The following ZFYVE21 variants were observed in gnomAD, a reference collection of about 807,000 sequenced individuals.
The protein encoded by ZFYVE21 is zinc finger FYVE domain-containing protein 21.
In ZFYVE21, 21 loss-of-function variants were observed where a neutral mutation model predicts 29.5. The ratio of observed to expected loss-of-function variants is 0.71; its 90% confidence interval spans 0.50 to 1.02. The LOEUF is 1.02. Among genes scored for constraint, ZFYVE21 ranks in the 50% least tolerant of loss-of-function variants. The probability of loss-of-function intolerance (pLI) is 0.00; values close to 1 mark genes in which losing one functional copy is unlikely to be tolerated. For missense variants in ZFYVE21, 326 were observed against 335.4 expected (o/e 0.97, Z 0.22); for synonymous variants, 151 against 133.8 (o/e 1.13, Z -0.89).
chr14:103,733,147 A>T lies in ZFYVE21; in HGVS notation c.*129A>T. On this transcript the variant is annotated 3_prime_UTR_variant, in exon 7 of 7. Transcript: ENST00000311141. ...GCTGGGAAATGCAACTCACTCATGT[A>T]TTTGGAGAAACAGGAGTGTTCACTT... 1 of 1,231,328 alleles carries T rather than the reference A, an allele frequency of 8.1e-7. No homozygotes were observed. Among genetic ancestry groups the T allele is most frequent in the Non-Finnish European group, 1.2e-6 (1 of 859,186 alleles). 76.3% of individuals were successfully genotyped at this position (1,231,328 alleles called of 1,614,324 possible). A position where few individuals can be genotyped will look rare whatever the true frequency, so the allele number is the denominator to read the frequency against.
chr14:103,727,254 T>C (rs1237415661), intron 2 of ZFYVE21: 2 of 353,896 alleles, frequency 5.7e-6, no homozygotes, highest in East Asian at 1.6e-4. Context: ...CCGTTATGGC[T>C]CATTTTGAGT....
chr14:103,731,219 A>C (rs1414572857), intron 5 of ZFYVE21: 2 of 152,190 alleles, frequency 1.3e-5, no homozygotes, highest in Non-Finnish European at 2.9e-5. Flanking sequence ...CTGAGGCAGG[A>C]GAATCGCTTG....
At chr14:103,731,015 G>A (rs2083968503) in intron 5 of ZFYVE21, 1 of 152,424 alleles carries the variant, frequency 6.6e-6, no homozygotes, top group Non-Finnish European at 1.5e-5. Context: ...GCTTATGAAA[G>A]TGTGGTTCTA....
intron 5 of ZFYVE21, chr14:103,729,940 A>G (rs1185117552): frequency 7.1e-7 from 1 of 1,400,096 alleles, no homozygotes; most frequent in Non-Finnish European, 9.6e-7. Flanking sequence ...GGTCCATGCC[A>G]AGGTTCTTTG....
At chr14:103,731,654 C>T (rs1823266667) in intron 5 of ZFYVE21, 1 of 152,208 alleles carries the variant, frequency 6.6e-6, no homozygotes, top group African/African-American at 2.4e-5. Context: ...GACAGCGTGT[C>T]ATAGGTTGCT....
At position 103,732,672 on chromosome 14, in the gene ZFYVE21, G is replaced by A. The variant is rs778937486; in HGVS notation, c.579G>A (p.Thr193=). 3.7e-5 allele frequency: 60 copies of A among 1,612,070 alleles called. No individual in the cohort carries two copies. Among genetic ancestry groups the A allele is most frequent in the South Asian group, 2.6e-4 (24 of 90,888 alleles). Residue 193 remains threonine (T), a synonymous_variant, in exon 6 of 7, where the codon ACG becomes ACA. Coordinates refer to ENST00000311141, the MANE Select transcript of ZFYVE21 (RefSeq NM_024071.4). ...TCCTGCAGTATACAGTGCCGGGGAC[G>A]GAGGGTGTGACCCAGCTGAAGCTGA... The part of the protein sequence containing the change: ...GMFLQYTVPG[T]EGVTQLKLTV...
At chr14:103,732,860 C>G in intron 6 of ZFYVE21, 98 bp downstream of exon 6, 1 of 1,600,866 alleles carries the variant, frequency 6.2e-7, no homozygotes, top group South Asian at 1.1e-5. Flanking sequence ...GCCCCCTATC[C>G]CCACAACCTG....
intron 1 of ZFYVE21, among the ~76,000 whole-genome samples, chr14:103,717,332 G>T (rs559387207): frequency 2.8e-4 from 43 of 152,334 alleles, no homozygotes; most frequent in African/African-American, 9.9e-4. Flanking sequence ...TATTTATGGT[G>T]TAACGAACTC....
At chr14:103,730,138 G>A in intron 5 of ZFYVE21, 1 of 393,892 alleles carries the variant, frequency 2.5e-6, no homozygotes, top group South Asian at 4.3e-5. Context: ...GAGGCCAGGG[G>A]GCGTGGGGGC....
chr14:103,726,947 C>CTTTTTTTTTTT (rs1555430527), intron 2 of ZFYVE21, 105 bp downstream of exon 2: 1 of 679,994 alleles, frequency 1.5e-6, no homozygotes, highest in African/African-American at 2.8e-5. Context: ...TCTTATGGCT[C>CTTTTTTTTTTT]GTTTTTTTTT....
At position 103,732,674 on chromosome 14, in the gene ZFYVE21, A is replaced by T. The variant is rs753077065; in HGVS notation, c.581A>T (p.Glu194Val). Residue 194 changes from glutamate (E) to valine (V), a missense_variant, in exon 6 of 7, where the codon GAG becomes GTG. By Grantham distance (121) the Glu-to-Val change is moderately radical (BLOSUM62 -2). Coordinates refer to ENST00000311141, the MANE Select transcript of ZFYVE21 (RefSeq NM_024071.4). ...CTGCAGTATACAGTGCCGGGGACGGAGGGTGTGACCCAGCTGAAGCTGACA... is the reference window on the plus strand; with the variant it reads ...CTGCAGTATACAGTGCCGGGGACGGTGGGTGTGACCCAGCTGAAGCTGACA... ...MFLQYTVPGT[E>V]GVTQLKLTVV... 2 of 1,611,988 alleles carry T rather than the reference A, an allele frequency of 1.2e-6. No homozygotes were observed. The highest frequency in any genetic ancestry group is 2.7e-5 in the African/African-American group (2 of 74,766).
chr14:103,721,337 C>A (rs1463186026), intron 1 of ZFYVE21, among the ~76,000 whole-genome samples: 1 of 152,226 alleles, frequency 6.6e-6, no homozygotes, highest in Non-Finnish European at 1.5e-5. Flanking sequence ...CACTGGGAGC[C>A]GTCTGCATGC....
chr14:103,726,944 G>A (rs577713511), intron 2 of ZFYVE21, 102 bp downstream of exon 2: 2 of 764,496 alleles, frequency 2.6e-6, no homozygotes, highest in Admixed American at 3.4e-5. Context: ...TCATCTTATG[G>A]CTCGTTTTTT....
Position 103,715,855 on chromosome 14 carries a change from T to C in ZFYVE21, c.14T>C (p.Val5Ala). The C allele has an allele frequency of 2.1e-6, 3 of 1,420,610 alleles. No individual in the cohort carries two copies. The highest frequency in any genetic ancestry group is 2.8e-6 in the Non-Finnish European group (3 of 1,082,648). 88.0% of individuals were successfully genotyped at this position (1,420,610 alleles called of 1,614,324 possible). A position where few individuals can be genotyped will look rare whatever the true frequency, so the allele number is the denominator to read the frequency against. Residue 5 changes from valine (V) to alanine (A), a missense_variant, in exon 1 of 7, where the codon GTG becomes GCG. Physicochemically the swap from Val to Ala is moderately conservative, Grantham distance 64 (BLOSUM62 0). Coordinates refer to ENST00000311141, the MANE Select transcript of ZFYVE21 (RefSeq NM_024071.4). ...TGAGGCGGCGTCATGTCCTCCGAGG[T>C]GTCCGCGCGCCGCGACGCCAAGAAG... MSSEVSARRDAKKLV... is the reference protein window; with the variant it reads MSSEASARRDAKKLV...
intron 1 of ZFYVE21, among the ~76,000 whole-genome samples, chr14:103,720,635 G>C (rs2083864601): frequency 6.6e-6 from 1 of 152,114 alleles, no homozygotes; most frequent in African/African-American, 2.4e-5. Context: ...GGCGCTTTTG[G>C]TTTCTTGCGT....
chr14:103,728,207 C>T (rs1020127718), intron 3 of ZFYVE21: 13 of 325,442 alleles, frequency 4.0e-5, no homozygotes, highest in African/African-American at 1.8e-4. Flanking sequence ...GGGTGGAACC[C>T]GGCGCCGGCG....
At chr14:103,719,715 T>A (rs59021304) in intron 1 of ZFYVE21, among the ~76,000 whole-genome samples, 25,157 of 151,710 alleles carry the variant, frequency 0.17, 2,767 homozygotes, top group East Asian at 0.44. Flanking sequence ...CCCTGTGAGG[T>A]GCCAGGGGCT....
intron 1 of ZFYVE21, among the ~76,000 whole-genome samples, chr14:103,717,583 C>T (rs1296608391): frequency 2.0e-5 from 3 of 152,262 alleles, no homozygotes; most frequent in Non-Finnish European, 2.9e-5. Context: ...TTCTTTGTGG[C>T]CTCTGCTGAG....
chr14:103,724,561 C>T (rs1244127307), intron 1 of ZFYVE21: 1 of 152,268 alleles, frequency 6.6e-6, no homozygotes, highest in Admixed American at 6.5e-5. Context: ...CCCTCCTTCC[C>T]CCAGAAGGGA....
Sources: allele counts gnomAD v4.1 joint callset (sites outside exome capture counted in the v4.1 genomes callset), GRCh38; gene constraint gnomAD v4.1.1; transcripts MANE v1.5; gene names NCBI Gene and HGNC (gene_info 2026-07-23, HGNC 2026-07-21).